Variants in ANKS1B observed in about 807,000 individuals in gnomAD.
ANKS1B encodes the protein ankyrin repeat and sterile alpha motif domain-containing protein 1B.
A neutral mutation model predicts 148.3 loss-of-function variants in ANKS1B; 36 were observed. That is an observed-to-expected ratio of 0.24 (90% CI 0.19 to 0.32). ANKS1B has a LOEUF of 0.32. Ranked by LOEUF, ANKS1B falls within the 10% of genes least tolerant of loss-of-function variation. The pLI is 1.00. For synonymous variants in ANKS1B, 542 were observed against 560.8 expected, an observed-to-expected ratio of 0.97 and a Z score of 0.47; for missense variants, 1,157 against 1,542.6, an observed-to-expected ratio of 0.75 and a Z score of 4.19.
At chr12:99,922,364 T>C (rs2094379600) in intron 1 of ANKS1B, among the ~76,000 whole-genome samples, 1 of 152,132 alleles carries the variant, frequency 6.6e-6, no homozygotes, top group African/African-American at 2.4e-5. Context: ...ATATTAAATT[T>C]TTTGCAAGAC....
In ANKS1B at chr12:99,878,714, T is replaced by C. The variant is rs181193843; in HGVS notation, c.135-53325A>G. 6.8e-3 allele frequency among the ~76,000 whole-genome samples: 1,043 copies of C among 152,284 alleles called. 41 individuals carry two copies. Among genetic ancestry groups the C allele is most frequent in the Admixed American group, 0.065 (988 of 15,290 alleles). On this transcript the variant is annotated intron_variant, in intron 1 of 26. Coordinates refer to ENST00000683438, the MANE Select transcript of ANKS1B (RefSeq NM_001352186.2). The stretch of plus-strand genomic sequence containing the variant: ...GTGCTGAATGTGCAGGTTTGTTACA[T>C]TGGTATTATTTTTTACTTCTTTTTT...
intron 1 of ANKS1B, among the ~76,000 whole-genome samples, chr12:99,968,318 G>A (rs1470323659): frequency 2.0e-5 from 3 of 152,214 alleles, no homozygotes; most frequent in East Asian, 3.8e-4. Context: ...AGCACTTTGG[G>A]AGGCCGAGAC....
At chr12:98,753,815 T>A (rs2098157951) in intron 25 of ANKS1B, among the ~76,000 whole-genome samples, 1 of 152,330 alleles carries the variant, frequency 6.6e-6, no homozygotes, top group South Asian at 2.1e-4. Flanking sequence ...GATGCTGATA[T>A]TGCAACTAAG....
At position 99,984,816 on chromosome 12, in the gene ANKS1B, T is replaced by TG. The variant is rs1169505935; in HGVS notation, c.-580dup. Among the ~76,000 whole-genome samples, 8 of 141,948 alleles carry TG rather than the reference T, an allele frequency of 5.6e-5. No individual in the cohort carries two copies. The South Asian group carries it at 1.1e-3, about 19-fold the overall frequency. The allele number at this position is 141,948 out of a possible 152,430, so 93.1% of individuals were successfully genotyped here. A position where few individuals can be genotyped will look rare whatever the true frequency, so the allele number is the denominator to read the frequency against. ...TGTGGCCCGCGCCGAGGCAGGGCGG[T>TG]GGGGGGCAGCCGCAGCGGGCGCGTG... On this transcript the variant is annotated 5_prime_UTR_variant, in exon 1 of 27. Coordinates refer to ENST00000683438, the MANE Select transcript of ANKS1B (RefSeq NM_001352186.2).
At chr12:99,699,405 T>C (rs987978548) in intron 8 of ANKS1B, among the ~76,000 whole-genome samples, 1 of 152,194 alleles carries the variant, frequency 6.6e-6, no homozygotes, top group Non-Finnish European at 1.5e-5. Flanking sequence ...GCTGACTTTC[T>C]TAAGCTATAA....
intron 16 of ANKS1B, among the ~76,000 whole-genome samples, chr12:99,071,642 CTCTT>C (rs1201060690): frequency 8.1e-5 from 10 of 122,732 alleles, no homozygotes; most frequent in Non-Finnish European, 3.6e-5. Flanking sequence ...TTTAATCTCT[CTCTT>C]TTTTTTTTTT....
intron 25 of ANKS1B, among the ~76,000 whole-genome samples, chr12:98,757,813 A>G (rs138634964): frequency 2.4e-4 from 36 of 152,298 alleles, no homozygotes; most frequent in African/African-American, 8.4e-4. Flanking sequence ...ATTGGAAGAT[A>G]CTTGCTTTGG....
intron 1 of ANKS1B, among the ~76,000 whole-genome samples, chr12:99,930,102 T>G (rs1461981572): frequency 2.6e-5 from 4 of 151,872 alleles, no homozygotes; most frequent in Admixed American, 2.0e-4. Context: ...ATGGCCATTT[T>G]CACAATATTG....
rs1317796172 is a variant in ANKS1B at position 99,928,468 on chromosome 12, C to T, written c.134+55636G>A. Among the ~76,000 whole-genome samples the T allele has an allele frequency of 3.3e-5, 5 of 150,912 alleles. No homozygotes were observed. In the East Asian group the frequency reaches 5.8e-4, roughly 18 times the overall value. ...TAATTTTTTGTATTTTTAGTAGAGA[C>T]GGGGTTTCACCTTGTTAGCCAGGAT... On this transcript the variant is annotated intron_variant, in intron 1 of 26. Transcript: ENST00000683438.
At chr12:98,994,342 G>A (rs1049917355) in intron 17 of ANKS1B, among the ~76,000 whole-genome samples, 2 of 152,118 alleles carry the variant, frequency 1.3e-5, no homozygotes, top group Non-Finnish European at 2.9e-5. Context: ...TAGGCCAGGT[G>A]CGGTGGCTCA....
Position 98,968,573 on chromosome 12 carries a change from C to T in ANKS1B, c.2778+84584G>A, listed in dbSNP as rs151293861. ...TTGTACTTTAGAGAAGAATGAAAAA[C>T]GCACATTGCTCACTTCCATACAACT... On this transcript the variant is annotated intron_variant, in intron 17 of 26. Coordinates refer to ENST00000683438, the MANE Select transcript of ANKS1B (RefSeq NM_001352186.2). Among the ~76,000 whole-genome samples the T allele has an allele frequency of 5.8e-3, 888 of 152,262 alleles. 4 individuals are homozygous for T. The highest frequency in any genetic ancestry group is 0.017 in the Middle Eastern group (5 of 294).
At chr12:99,514,349 G>C (rs1318925376) in intron 9 of ANKS1B, among the ~76,000 whole-genome samples, 1 of 151,998 alleles carries the variant, frequency 6.6e-6, no homozygotes, top group Non-Finnish European at 1.5e-5. Context: ...ATAAACATTT[G>C]TCAAAGTCTG....
At chr12:98,953,833 G>A (rs1316758901) in intron 17 of ANKS1B, among the ~76,000 whole-genome samples, 2 of 151,972 alleles carry the variant, frequency 1.3e-5, no homozygotes, top group Non-Finnish European at 2.9e-5. Context: ...GTCCTGGAAT[G>A]CATCTTACAT....
intron 17 of ANKS1B, among the ~76,000 whole-genome samples, chr12:98,878,496 A>G (rs901053589): frequency 6.6e-6 from 1 of 152,142 alleles, no homozygotes; most frequent in Admixed American, 6.6e-5. Flanking sequence ...CTGCTCCCCT[A>G]CCAGTGAGGA....
At chr12:99,930,302 CT>C (rs2094580840) in intron 1 of ANKS1B, among the ~76,000 whole-genome samples, 1 of 151,896 alleles carries the variant, frequency 6.6e-6, no homozygotes, top group African/African-American at 2.4e-5. Flanking sequence ...CTCTGTTTGT[CT>C]GTTATTGGTG....
chr12:99,283,314 G>A (rs1361409239), intron 12 of ANKS1B, among the ~76,000 whole-genome samples: 4 of 152,094 alleles, frequency 2.6e-5, no homozygotes, highest in Non-Finnish European at 5.9e-5. Flanking sequence ...TCCTCAATCA[G>A]GTCCTCAAAT....
intron 19 of ANKS1B, among the ~76,000 whole-genome samples, chr12:98,820,746 C>T (rs1038597658): frequency 2.6e-5 from 4 of 152,010 alleles, no homozygotes; most frequent in African/African-American, 7.3e-5. Context: ...CAAAGAGCAC[C>T]AGTGTTAACT....
chr12:99,718,298 T>C (rs2057671219), intron 8 of ANKS1B, among the ~76,000 whole-genome samples: 1 of 152,250 alleles, frequency 6.6e-6, no homozygotes, highest in South Asian at 2.1e-4. Context: ...TCCCTGACTA[T>C]TCCTGGACTA....
At chr12:99,473,233 G>C (rs1009661312) in intron 10 of ANKS1B, among the ~76,000 whole-genome samples, 5 of 151,832 alleles carry the variant, frequency 3.3e-5, no homozygotes, top group African/African-American at 4.8e-5. Context: ...TGACAATTCT[G>C]ACTCCTTTTT....
Sources: allele counts gnomAD v4.1 joint callset (sites outside exome capture counted in the v4.1 genomes callset), GRCh38; gene constraint gnomAD v4.1.1; transcripts MANE v1.5; gene names NCBI Gene and HGNC (gene_info 2026-07-23, HGNC 2026-07-21).